ARAP2: variants seen among roughly 807,000 people sequenced by gnomAD.
The protein encoded by ARAP2 is ArfGAP with RhoGAP domain, ankyrin repeat and PH domain 2.
A neutral mutation model predicts 194.5 loss-of-function variants in ARAP2; 148 were observed. The ratio of observed to expected loss-of-function variants is 0.76; its 90% CI spans 0.67 to 0.87. ARAP2 has a LOEUF of 0.87. Among genes scored for constraint, ARAP2 ranks in the 40% least tolerant of loss-of-function variants. The pLI is 0.00. For synonymous variants in ARAP2, 695 were observed against 683.5 expected, an observed-to-expected ratio of 1.02 and a Z score of -0.26; for missense variants, 2,128 against 1,989.7, an observed-to-expected ratio of 1.07 and a Z score of -1.32.
chr4:36,185,578 T>C (rs1740342744), intron 8 of ARAP2, among the ~76,000 whole-genome samples: 1 of 152,022 alleles, frequency 6.6e-6, no homozygotes, highest in Non-Finnish European at 1.5e-5. Context: ...TGCACTGACA[T>C]ATGTGCCAGG....
intron 16 of ARAP2, among the ~76,000 whole-genome samples, chr4:36,150,265 A>G (rs1730645658): frequency 6.6e-6 from 1 of 152,214 alleles, no homozygotes; most frequent in Non-Finnish European, 1.5e-5. Context: ...TAAATGAATA[A>G]ATGAATTTTA....
chr4:36,164,976 T>G lies in ARAP2; in HGVS notation c.2111A>C (p.Lys704Thr). ...GGATGCCCAGTCAGGATCTGGGGCT[T>G]TACAATCTGCACAGCTCCTGTTGGA... ...NESNRSCADCKAPDPDWASIN... is the reference protein window; with the variant it reads ...NESNRSCADCTAPDPDWASIN... Residue 704 changes from lysine to threonine, a missense_variant, in exon 11 of 33, where the codon AAA (lysine) becomes ACA (threonine). Coordinates refer to ENST00000303965, the MANE Select transcript of ARAP2 (RefSeq NM_015230.4). 6.2e-7 allele frequency: 1 copy of G among 1,614,114 alleles called. No homozygotes were observed. The highest frequency in any genetic ancestry group is 8.5e-7 in the Non-Finnish European group (1 of 1,179,952).
chr4:36,229,412 T>A lies in ARAP2; in HGVS notation c.75A>T (p.Leu25Phe), dbSNP rs375707222. 39 of 1,613,806 alleles carry A rather than the reference T, an allele frequency of 2.4e-5. No homozygotes were observed. The South Asian group carries it at 3.2e-4, about 13-fold the overall frequency. ...TAGTAAAACCAGACTCATGGAAATG[T>A]AAGAGATACTGCTCCAAATTAATGC... The part of the protein sequence containing the change: ...LMSINLEQYL[L>F]HFHESGFTTV... The change falls in exon 2 of 33, where the codon TTA becomes TTT. Residue 25 changes from leucine (L) to phenylalanine (F), a missense_variant. Transcript: ENST00000303965.
At chr4:36,020,141 C>T (rs1316003774) in intron 5 of ARAP2, among the ~76,000 whole-genome samples, 1 of 152,152 alleles carries the variant, frequency 6.6e-6, no homozygotes, top group African/African-American at 2.4e-5. Flanking sequence ...CAGGGTGCGG[C>T]AGCTCATGCC....
intron 32 of ARAP2, among the ~76,000 whole-genome samples, chr4:36,068,928 C>A (rs1349047892): frequency 6.6e-6 from 1 of 152,208 alleles, no homozygotes; most frequent in African/African-American, 2.4e-5. Context: ...CAACATACCA[C>A]TTCGAAGGTG....
chr4:36,072,693 A>C (rs1348347657), intron 32 of ARAP2, among the ~76,000 whole-genome samples: 2 of 151,502 alleles, frequency 1.3e-5, no homozygotes, highest in African/African-American at 2.4e-5. Context: ...AAAAAAACAA[A>C]AAAAAAAACT....
At chr4:36,089,287 G>C (rs1425100762) in intron 28 of ARAP2, among the ~76,000 whole-genome samples, 1 of 151,962 alleles carries the variant, frequency 6.6e-6, no homozygotes, top group African/African-American at 2.4e-5. Context: ...CCAATGCTGT[G>C]GCTTGTTTTA....
intron 26 of ARAP2, among the ~76,000 whole-genome samples, chr4:36,111,555 C>CTTG (rs1459875079): frequency 2.1e-4 from 32 of 152,074 alleles, no homozygotes; most frequent in African/African-American, 6.7e-4. Context: ...GACACATTCA[C>CTTG]AAATCAAAAC....
At chr4:36,036,759 A>G (rs1365331847) in intron 5 of ARAP2, among the ~76,000 whole-genome samples, 1 of 152,154 alleles carries the variant, frequency 6.6e-6, no homozygotes, top group Non-Finnish European at 1.5e-5. Context: ...TCTGTTATAT[A>G]GCTTTTGCTA....
In ARAP2 at chr4:36,089,444, C is replaced by G. The variant is rs1712915464; in HGVS notation, c.4425+2437G>C. Among the ~76,000 whole-genome samples, 3 of 151,990 alleles carry G rather than the reference C, an allele frequency of 2.0e-5. 1 individual carries two copies. The South Asian group carries it at 6.2e-4, about 31-fold the overall frequency. ...GTACAAGTGAGTACAAGTAGTTGTA[C>G]TGCTTGAGTAGAGCCACTGGATCAT... On this transcript the variant is annotated intron_variant, in intron 28 of 32. Coordinates refer to ENST00000303965, the MANE Select transcript of ARAP2 (RefSeq NM_015230.4).
intron 9 of ARAP2, among the ~76,000 whole-genome samples, chr4:36,173,195 G>C (rs2109833002): frequency 6.6e-6 from 1 of 152,032 alleles, no homozygotes; most frequent in East Asian, 1.9e-4. Flanking sequence ...GAGAAGAAGG[G>C]AGACGGGCTG....
At chr4:36,241,377 G>A (rs1441210723) in intron 1 of ARAP2, among the ~76,000 whole-genome samples, 3 of 152,112 alleles carry the variant, frequency 2.0e-5, no homozygotes, top group Non-Finnish European at 2.9e-5. Context: ...TTCAGAAAAC[G>A]TCTCCTACCT....
At chr4:36,078,183 C>A (rs1398831503) in intron 31 of ARAP2, among the ~76,000 whole-genome samples, 1 of 152,152 alleles carries the variant, frequency 6.6e-6, no homozygotes, top group Non-Finnish European at 1.5e-5. Context: ...TCCTTCTTTT[C>A]ATGGAGTTTA....
At chr4:36,173,375 C>A (rs1013574303) in intron 9 of ARAP2, among the ~76,000 whole-genome samples, 1 of 152,062 alleles carries the variant, frequency 6.6e-6, no homozygotes, top group African/African-American at 2.4e-5. Context: ...TTCTGACTTA[C>A]ACACTATACA....
rs1356303196 is a variant in ARAP2, at chr4:36,128,539, C to T, written c.3634G>A (p.Ala1212Thr). 1 of 1,604,184 alleles carries T rather than the reference C, an allele frequency of 6.2e-7. No individual in the cohort carries two copies. The highest frequency in any genetic ancestry group is 1.4e-5 in the African/African-American group (1 of 74,054). ...TKELYPYWIS[A>T]LDTQDDKERI... is the part of the protein sequence containing the mutation. ...ATATCTGTATAAATATTACCTAAAG[C>T]AGAGATCCAATATGGGTAGAGCTCC... The change falls in exon 21 of 33, where the codon GCT becomes ACT. Residue 1212 changes from alanine (A) to threonine (T), a missense_variant. Transcript: ENST00000303965.
intron 4 of ARAP2, chr4:36,046,672 C>T (rs992463318): frequency 2.0e-5 from 3 of 152,274 alleles, no homozygotes; most frequent in African/African-American, 7.2e-5. Flanking sequence ...CAGAGCTAAC[C>T]AGAGCCCTGG....
chr4:36,178,406 C>G (rs971770912), intron 8 of ARAP2, among the ~76,000 whole-genome samples: 1 of 152,154 alleles, frequency 6.6e-6, no homozygotes, highest in Non-Finnish European at 1.5e-5. Context: ...TGCTACCCAA[C>G]AATTAACAGA....
At chr4:36,129,283 CAAT>C (rs1724789861) in intron 20 of ARAP2, among the ~76,000 whole-genome samples, 2 of 151,882 alleles carry the variant, frequency 1.3e-5, no homozygotes, top group South Asian at 4.1e-4. Context: ...ATGACAATGA[CAAT>C]AATTCAAACC....
intron 7 of ARAP2, chr4:36,015,882 A>G (rs1369070440): frequency 6.6e-6 from 1 of 152,190 alleles, no homozygotes; most frequent in Non-Finnish European, 1.5e-5. Flanking sequence ...AAATCCCAAG[A>G]AGCGTTTGGC....
Sources: allele counts gnomAD v4.1 joint callset (sites outside exome capture counted in the v4.1 genomes callset), GRCh38; gene constraint gnomAD v4.1.1; transcripts MANE v1.5; gene names NCBI Gene and HGNC (gene_info 2026-07-23, HGNC 2026-07-21).